The following CDH4 variants were observed in gnomAD, a reference collection of about 807,000 sequenced individuals.
CDH4 encodes the protein cadherin-4.
In CDH4, 33 loss-of-function variants were observed where a neutral mutation model predicts 86.0. The observed-to-expected ratio is 0.38, with a 90% CI of 0.29 to 0.51. The LOEUF (loss-of-function observed/expected upper bound fraction) is 0.51. CDH4 is among the 20% of genes least tolerant of loss of function. CDH4 has a pLI of 0.86. For missense variants in CDH4, 1,114 were observed against 1,307.4 expected, an observed-to-expected ratio of 0.85 and a Z score of 2.28; for synonymous variants, 555 against 549.4, an observed-to-expected ratio of 1.01 and a Z score of -0.14.
intron 2 of CDH4, among the ~76,000 whole-genome samples, chr20:61,403,579 G>T (rs560644543): frequency 6.6e-6 from 1 of 152,260 alleles, no homozygotes; most frequent in African/African-American, 2.4e-5. Context: ...CATGCAGGCT[G>T]GATTAAGAGA....
chr20:61,587,885 C>T (rs886274071), intron 2 of CDH4, among the ~76,000 whole-genome samples: 3 of 152,134 alleles, frequency 2.0e-5, no homozygotes, highest in African/African-American at 7.2e-5. Context: ...TCCCCCACTC[C>T]GCCCCCGCCC....
At chr20:61,598,551 C>T (rs1053177776) in intron 2 of CDH4, among the ~76,000 whole-genome samples, 2 of 152,150 alleles carry the variant, frequency 1.3e-5, no homozygotes, top group African/African-American at 4.8e-5. Context: ...AGTGACGACC[C>T]CTGCGGTGCC....
At chr20:61,868,389 G>A (rs12480866) in intron 6 of CDH4, among the ~76,000 whole-genome samples, 6 of 151,900 alleles carry the variant, frequency 3.9e-5, no homozygotes, top group East Asian at 3.9e-4. Context: ...GGTTCCTGCC[G>A]CAGAGGCCCA....
intron 2 of CDH4, among the ~76,000 whole-genome samples, chr20:61,379,759 T>G (rs74416984): frequency 0.012 from 1,895 of 152,320 alleles, 33 homozygotes; most frequent in African/African-American, 0.043. Flanking sequence ...TAACCAACTC[T>G]ACCCAAGGCT....
intron 2 of CDH4, among the ~76,000 whole-genome samples, chr20:61,533,229 T>A (rs749270331): frequency 3.9e-5 from 6 of 152,090 alleles, no homozygotes; most frequent in Non-Finnish European, 7.4e-5. Context: ...CAACAGCCAG[T>A]GCCACGGCCC....
intron 2 of CDH4, among the ~76,000 whole-genome samples, chr20:61,534,397 T>C (rs1270157077): frequency 6.6e-6 from 1 of 152,180 alleles, no homozygotes; most frequent in East Asian, 1.9e-4. Flanking sequence ...TTTGCTGGTT[T>C]CCATGACTAT....
At chr20:61,455,530 C>T (rs1245979679) in intron 2 of CDH4, among the ~76,000 whole-genome samples, 1 of 152,194 alleles carries the variant, frequency 6.6e-6, no homozygotes, top group African/African-American at 2.4e-5. Flanking sequence ...CCGCAAAAAC[C>T]AGGTGATGTT....
intron 2 of CDH4, among the ~76,000 whole-genome samples, chr20:61,347,367 T>C (rs2084685581): frequency 6.6e-6 from 1 of 152,244 alleles, no homozygotes; most frequent in African/African-American, 2.4e-5. Flanking sequence ...CTTAGATGAT[T>C]CCAAATGTTC....
At chr20:61,390,044 C>T (rs961193241) in intron 2 of CDH4, among the ~76,000 whole-genome samples, 6 of 150,944 alleles carry the variant, frequency 4.0e-5, no homozygotes, top group South Asian at 2.1e-4. Flanking sequence ...CGATTGAGAT[C>T]GTGCAGTCAT....
At position 61,299,005 on chromosome 20, in the gene CDH4, T is replaced by C. The variant is rs931018496; in HGVS notation, c.169+44068T>C. On this transcript the variant is annotated intron_variant, in intron 2 of 15. Coordinates refer to ENST00000614565, the MANE Select transcript of CDH4 (RefSeq NM_001794.5). ...GATCACTGAGCATTATGGGTTGAAT[T>C]GAATCTCCCAAAATGCCTTTTGCTG... Among the ~76,000 whole-genome samples the C allele has an allele frequency of 2.6e-5, 4 of 152,102 alleles. No homozygotes were observed. In the East Asian group the frequency reaches 7.7e-4, roughly 29 times the overall value.
intron 2 of CDH4, among the ~76,000 whole-genome samples, chr20:61,693,777 C>G (rs1169771908): frequency 6.6e-6 from 1 of 152,108 alleles, no homozygotes; most frequent in East Asian, 1.9e-4. Context: ...ATCATGCCCC[C>G]CATAATTGTA....
At chr20:61,915,210 C>T (rs917956375) in intron 9 of CDH4, among the ~76,000 whole-genome samples, 1 of 152,212 alleles carries the variant, frequency 6.6e-6, no homozygotes. Context: ...ATCTGTTAAC[C>T]GTCCAGGTTC....
intron 7 of CDH4, among the ~76,000 whole-genome samples, chr20:61,878,692 G>A (rs913283022): frequency 1.4e-4 from 21 of 152,246 alleles, no homozygotes; most frequent in Admixed American, 3.9e-4. Flanking sequence ...AGTCGTAGGT[G>A]ACCTCTGAAT....
chr20:61,332,343 G>A (rs915412775), intron 2 of CDH4, among the ~76,000 whole-genome samples: 1 of 152,310 alleles, frequency 6.6e-6, no homozygotes, highest in Admixed American at 6.5e-5. Context: ...GAGAGTCCGG[G>A]AAACCCATGA....
At chr20:61,398,291 T>C in intron 2 of CDH4, among the ~76,000 whole-genome samples, 1 of 152,244 alleles carries the variant, frequency 6.6e-6, no homozygotes, top group Non-Finnish European at 1.5e-5. Flanking sequence ...ACAATGTTCC[T>C]GAGAGCACTG....
chr20:61,338,194 T>C (rs1319376026), intron 2 of CDH4, among the ~76,000 whole-genome samples: 2 of 152,200 alleles, frequency 1.3e-5, no homozygotes, highest in African/African-American at 4.8e-5. Flanking sequence ...AGCTTCATTG[T>C]TCAACTATTC....
At chr20:61,652,938 A>ATTTTTTTATTTTATTT (rs1555819717) in intron 2 of CDH4, among the ~76,000 whole-genome samples, 2 of 97,402 alleles carry the variant, frequency 2.1e-5, no homozygotes, top group African/African-American at 6.8e-5. Flanking sequence ...TTATTTATTT[A>ATTTTTTTATTTTATTT]TTTTTTTTTT....
intron 2 of CDH4, among the ~76,000 whole-genome samples, chr20:61,604,702 CACAG>C (rs1338984139): frequency 6.6e-6 from 1 of 152,148 alleles, no homozygotes; most frequent in Non-Finnish European, 1.5e-5. Flanking sequence ...CCCTCTAACA[CACAG>C]ACACGTGTAG....
At chr20:61,367,626 GC>G (rs920604199) in intron 2 of CDH4, among the ~76,000 whole-genome samples, 1 of 150,996 alleles carries the variant, frequency 6.6e-6, no homozygotes, top group Non-Finnish European at 1.5e-5. Context: ...ATAAACAGGA[GC>G]CCCGAGTCCA....
Sources: gnomAD v4.1 joint callset for allele counts (sites outside exome capture counted in the v4.1 genomes callset) on GRCh38, gnomAD v4.1.1 for gene constraint, MANE v1.5 for transcripts, NCBI Gene and HGNC (gene_info 2026-07-23, HGNC 2026-07-21) for gene names.